DNAJC10: variants seen among roughly 807,000 people sequenced by gnomAD.
The protein encoded by DNAJC10 is endoplasmic reticulum disulfide reductase DNAJC10.
Under a neutral mutation model 115.0 loss-of-function variants are expected in DNAJC10, and 101 were observed. That is an observed-to-expected ratio of 0.88 (90% CI 0.75 to 1.04). DNAJC10 has a LOEUF of 1.04. DNAJC10 is among the 50% of genes least tolerant of loss of function. DNAJC10 has a pLI of 0.00. For synonymous variants in DNAJC10, 307 were observed against 301.5 expected, an observed-to-expected ratio of 1.02 and a Z score of -0.19; for missense variants, 981 against 928.8, an observed-to-expected ratio of 1.06 and a Z score of -0.73.
intron 4 of DNAJC10, among the ~76,000 whole-genome samples, chr2:182,720,377 T>C (rs1693120574): frequency 6.6e-6 from 1 of 152,194 alleles, no homozygotes; most frequent in Non-Finnish European, 1.5e-5. Context: ...TAAATCTTGT[T>C]AAATACTTTT....
At chr2:182,770,484 A>G (rs1694532357) in intron 22 of DNAJC10, among the ~76,000 whole-genome samples, 1 of 151,854 alleles carries the variant, frequency 6.6e-6, no homozygotes, top group Non-Finnish European at 1.5e-5. Flanking sequence ...GTCCTCTTTT[A>G]TTTCCTTGAG....
At position 182,735,636 on chromosome 2, in the gene DNAJC10, C is replaced by T. The variant is rs542403502; in HGVS notation, c.850-613C>T. On this transcript the variant is annotated intron_variant, in intron 10 of 23. Coordinates refer to ENST00000264065, the MANE Select transcript of DNAJC10 (RefSeq NM_018981.4). ...TCTATCTCATTCTCCCTTATCTTTC[C>T]GAGATCCCAGTTGAATGTATGTTAG... 1.1e-4 allele frequency among the ~76,000 whole-genome samples: 17 copies of T among 151,982 alleles called. No individual in the cohort carries two copies. The South Asian group carries it at 2.3e-3, about 20-fold the overall frequency.
intron 21 of DNAJC10, among the ~76,000 whole-genome samples, chr2:182,761,687 G>A (rs1694289244): frequency 6.6e-6 from 1 of 152,126 alleles, no homozygotes; most frequent in South Asian, 2.1e-4. Context: ...AGTGGGTTCA[G>A]GGGACATGCT....
At chr2:182,755,387 C>G (rs983332814) in intron 17 of DNAJC10, among the ~76,000 whole-genome samples, 3 of 150,604 alleles carry the variant, frequency 2.0e-5, no homozygotes, top group Non-Finnish European at 2.9e-5. Flanking sequence ...CACCTTGTCA[C>G]CCCTTTGCAC....
In DNAJC10 at chr2:182,778,005, G is replaced by C. The variant is rs527336508; in HGVS notation, c.*873G>C. ...AGTATTTAGAGTTCTATATTTTAAAGATATATGTGTTCATGTATTTTCTGA... is the reference window on the plus strand; with the variant it reads ...AGTATTTAGAGTTCTATATTTTAAACATATATGTGTTCATGTATTTTCTGA... On this transcript the variant is annotated 3_prime_UTR_variant, in exon 24 of 24. Coordinates refer to ENST00000264065, the MANE Select transcript of DNAJC10 (RefSeq NM_018981.4). 2.0e-5 allele frequency: 3 copies of C among 152,248 alleles called. No individual in the cohort carries two copies. The East Asian group carries it at 5.8e-4, about 29-fold the overall frequency. The allele number at this position is 152,248 out of a possible 1,614,324, so 9.4% of individuals were successfully genotyped here.
chr2:182,717,555 A>G (rs1693025967), intron 2 of DNAJC10, among the ~76,000 whole-genome samples: 1 of 152,170 alleles, frequency 6.6e-6, no homozygotes, highest in South Asian at 2.1e-4. Context: ...GAAAATGAAA[A>G]TTAGACAGCT....
intron 11 of DNAJC10, among the ~76,000 whole-genome samples, chr2:182,738,585 G>T (rs539843296): frequency 3.2e-4 from 48 of 151,666 alleles, no homozygotes; most frequent in Admixed American, 7.9e-4. Context: ...CTGTCGCCCA[G>T]GCTGGAGTGC....
At position 182,756,482 on chromosome 2, in the gene DNAJC10, TAG is replaced by T. The variant is rs774926317; in HGVS notation, c.1809+14_1809+15del. The T allele has an allele frequency of 6.3e-7, 1 of 1,598,138 alleles. No homozygotes were observed. The highest frequency in any genetic ancestry group is 8.5e-7 in the Non-Finnish European group (1 of 1,174,528). ...AAGAATGGCCCGGGTATAGTAAAAA[TAG>T]TTTATTTTAAATCTTAACATTTACT... On this transcript the variant is annotated intron_variant, in intron 18 of 23. Coordinates refer to ENST00000264065, the MANE Select transcript of DNAJC10 (RefSeq NM_018981.4).
At chr2:182,720,635 T>C (rs1206189149) in intron 4 of DNAJC10, among the ~76,000 whole-genome samples, 1 of 152,168 alleles carries the variant, frequency 6.6e-6, no homozygotes, top group Non-Finnish European at 1.5e-5. Flanking sequence ...TCTAGGTTTG[T>C]GTAAGTACAC....
At chr2:182,722,720 C>T (rs753548409) in intron 5 of DNAJC10, among the ~76,000 whole-genome samples, 28 of 152,082 alleles carry the variant, frequency 1.8e-4, no homozygotes, top group African/African-American at 5.8e-4. Flanking sequence ...GCAGGCAGAT[C>T]GCTTGAGATC....
In DNAJC10 at chr2:182,791,585, T is replaced by C. The variant is rs1338276409; in HGVS notation, c.*14453T>C. Reference sequence around the variant, plus strand: ...TTTCAGTTTAATGAGTTTCAAGATATTCTTCAAACTGGCCTCTGTGAACTC... The same window carrying C: ...TTTCAGTTTAATGAGTTTCAAGATACTCTTCAAACTGGCCTCTGTGAACTC... On this transcript the variant is annotated 3_prime_UTR_variant, in exon 24 of 24. Transcript: ENST00000264065. 1 of 152,190 alleles carries C rather than the reference T, an allele frequency of 6.6e-6. No homozygotes were observed. Among genetic ancestry groups the C allele is most frequent in the Non-Finnish European group, 1.5e-5 (1 of 68,016 alleles). The allele number at this position is 152,190 out of a possible 1,614,324, so 9.4% of individuals were successfully genotyped here. A position where few individuals can be genotyped will look rare whatever the true frequency, so the allele number is the denominator to read the frequency against.
chr2:182,753,591 T>G (rs946110405), intron 16 of DNAJC10, among the ~76,000 whole-genome samples: 5 of 141,888 alleles, frequency 3.5e-5, no homozygotes, highest in African/African-American at 1.3e-4. Flanking sequence ...TTTTTTTTTT[T>G]TTTTTTTTTG....
chr2:182,756,740 G>A (rs1313828324), intron 18 of DNAJC10, among the ~76,000 whole-genome samples: 2 of 151,822 alleles, frequency 1.3e-5, no homozygotes, highest in Non-Finnish European at 2.9e-5. Flanking sequence ...GCGCAATCTC[G>A]GCTCACCGCA....
At chr2:182,772,366 G>T (rs941800614) in intron 22 of DNAJC10, among the ~76,000 whole-genome samples, 1 of 152,122 alleles carries the variant, frequency 6.6e-6, no homozygotes, top group Non-Finnish European at 1.5e-5. Flanking sequence ...GCAAGTCCTG[G>T]ATATCCTTCT....
Position 182,784,693 on chromosome 2 carries a change from T to C in DNAJC10, c.*7561T>C, listed in dbSNP as rs943513906. On this transcript the variant is annotated 3_prime_UTR_variant, in exon 24 of 24. Transcript: ENST00000264065. ...CTTAGAGGCATTGTAGTTGATATTA[T>C]AGTAACCCTTTTAGATGTTAGTAAC... 6.6e-6 allele frequency: 1 copy of C among 152,212 alleles called. No homozygotes were observed. The highest frequency in any genetic ancestry group is 1.5e-5 in the Non-Finnish European group (1 of 68,036). 9.4% of individuals were successfully genotyped at this position (152,212 alleles called of 1,614,324 possible).
At chr2:182,719,084 T>A (rs935454133) in intron 3 of DNAJC10, among the ~76,000 whole-genome samples, 7 of 151,878 alleles carry the variant, frequency 4.6e-5, no homozygotes, top group Non-Finnish European at 5.9e-5. Context: ...TATTTTTTTT[T>A]AATTTTTCTT....
At position 182,788,685 on chromosome 2, in the gene DNAJC10, C is replaced by A. The variant is rs558199889; in HGVS notation, c.*11553C>A. 1 of 380,316 alleles carries A rather than the reference C, an allele frequency of 2.6e-6. No individual in the cohort carries two copies. Among genetic ancestry groups the A allele is most frequent in the East Asian group, 7.5e-5 (1 of 13,344 alleles). The allele number at this position is 380,316 out of a possible 1,614,324, so 23.6% of individuals were successfully genotyped here. A position where few individuals can be genotyped will look rare whatever the true frequency, so the allele number is the denominator to read the frequency against. On this transcript the variant is annotated 3_prime_UTR_variant, in exon 24 of 24. Coordinates refer to ENST00000264065, the MANE Select transcript of DNAJC10 (RefSeq NM_018981.4). ...AGAGAACAAAAGGAAGTGAGCTTAT[C>A]CCACAGCACAAGTAACGTCTATTTA...
intron 13 of DNAJC10, 121 bp downstream of exon 13, chr2:182,741,477 G>C (rs989873851): frequency 2.0e-6 from 1 of 488,862 alleles, no homozygotes; most frequent in East Asian, 3.7e-5. Context: ...GCCTATAAGT[G>C]CTTTTAGTCT....
At chr2:182,738,684 G>T (rs1030615404) in intron 11 of DNAJC10, among the ~76,000 whole-genome samples, 1 of 152,040 alleles carries the variant, frequency 6.6e-6, no homozygotes, top group Non-Finnish European at 1.5e-5. Context: ...GGGACTACAG[G>T]TGCACGCCGC....
Sources: allele counts gnomAD v4.1 joint callset (sites outside exome capture counted in the v4.1 genomes callset), GRCh38; gene constraint gnomAD v4.1.1; transcripts MANE v1.5; gene names NCBI Gene and HGNC (gene_info 2026-07-23, HGNC 2026-07-21).